Variants in DOCK3 observed in about 807,000 individuals in gnomAD.
The protein encoded by DOCK3 is dedicator of cytokinesis 3.
A neutral mutation model predicts 265.6 loss-of-function variants in DOCK3; 60 were observed. The ratio of observed to expected loss-of-function variants is 0.23; its 90% CI spans 0.18 to 0.28. DOCK3 has a LOEUF of 0.28. DOCK3 is among the 10% of genes least tolerant of loss of function. DOCK3 has a pLI of 1.00. For missense variants in DOCK3, 1,981 were observed against 2,594.3 expected (o/e 0.76, Z 5.14); for synonymous variants, 881 against 938.0 (o/e 0.94, Z 1.11).
At chr3:51,292,967 A>G (rs1348145266) in intron 27 of DOCK3, among the ~76,000 whole-genome samples, 1 of 152,206 alleles carries the variant, frequency 6.6e-6, no homozygotes, top group Non-Finnish European at 1.5e-5. Flanking sequence ...TGATTAAGGA[A>G]ATTAAAGATT....
intron 1 of DOCK3, among the ~76,000 whole-genome samples, chr3:50,746,516 T>C (rs1315909068): frequency 6.6e-6 from 1 of 152,220 alleles, no homozygotes; most frequent in African/African-American, 2.4e-5. Flanking sequence ...GATAATGCCT[T>C]CTGGAAGTTT....
intron 22 of DOCK3, among the ~76,000 whole-genome samples, chr3:51,256,614 A>G (rs573745020): frequency 6.6e-4 from 87 of 132,532 alleles, no homozygotes; most frequent in African/African-American, 2.4e-3. Flanking sequence ...TTTTTTTTAG[A>G]TGGAGTCTCA....
At chr3:51,022,100 G>C (rs975727111) in intron 5 of DOCK3, among the ~76,000 whole-genome samples, 2 of 152,024 alleles carry the variant, frequency 1.3e-5, no homozygotes, top group African/African-American at 4.8e-5. Context: ...TTAGAAATTT[G>C]TATTTATTTT....
intron 5 of DOCK3, among the ~76,000 whole-genome samples, chr3:51,041,580 A>G (rs953524077): frequency 1.3e-5 from 2 of 152,160 alleles, no homozygotes; most frequent in Non-Finnish European, 1.5e-5. Context: ...TGTGGCCTGC[A>G]GAATAGATCT....
chr3:51,148,851 T>C (rs963045647), intron 10 of DOCK3, among the ~76,000 whole-genome samples: 2 of 152,164 alleles, frequency 1.3e-5, no homozygotes, highest in African/African-American at 4.8e-5. Context: ...CATATGAACT[T>C]TAAAGTAGTT....
chr3:50,726,274 C>CTA (rs2037816987), intron 1 of DOCK3, among the ~76,000 whole-genome samples: 1 of 152,066 alleles, frequency 6.6e-6, no homozygotes, highest in South Asian at 2.1e-4. Flanking sequence ...GCTGACTGTA[C>CTA]TACCTTCAGC....
At chr3:51,170,462 C>G (rs2107622948) in intron 12 of DOCK3, among the ~76,000 whole-genome samples, 1 of 152,014 alleles carries the variant, frequency 6.6e-6, no homozygotes, top group African/African-American at 2.4e-5. Flanking sequence ...ATGATTCAAT[C>G]TTGGTAAGTT....
At chr3:50,795,817 A>C (rs928532037) in intron 2 of DOCK3, among the ~76,000 whole-genome samples, 1 of 151,976 alleles carries the variant, frequency 6.6e-6, no homozygotes. Flanking sequence ...AAATTCTTGT[A>C]GTGTGTTTTG....
chr3:51,137,353 G>A (rs1403063606), intron 9 of DOCK3, among the ~76,000 whole-genome samples: 1 of 152,190 alleles, frequency 6.6e-6, no homozygotes, highest in African/African-American at 2.4e-5. Context: ...ATTCATGGAG[G>A]ACCGAATGAG....
At chr3:51,116,450 C>CAAAAA (rs55898136) in intron 9 of DOCK3, among the ~76,000 whole-genome samples, 2 of 54,952 alleles carry the variant, frequency 3.6e-5, no homozygotes, top group African/African-American at 7.8e-5. Context: ...GACTCCATCT[C>CAAAAA]AAAAAAAAAA....
At chr3:50,854,592 G>GTTTTTTTTTTGTTT (rs2046497404) in intron 3 of DOCK3, among the ~76,000 whole-genome samples, 3 of 47,220 alleles carry the variant, frequency 6.4e-5, no homozygotes, top group African/African-American at 1.7e-4. Context: ...CATCACACCA[G>GTTTTTTTTTTGTTT]TTTTTTTTTT....
intron 4 of DOCK3, among the ~76,000 whole-genome samples, chr3:50,933,075 G>A (rs186825361): frequency 6.6e-6 from 1 of 152,154 alleles, no homozygotes; most frequent in African/African-American, 2.4e-5. Flanking sequence ...ATCAGATCTT[G>A]TGAGACTTAT....
chr3:50,933,856 G>A (rs1418084290), intron 4 of DOCK3, 125 bp from the exon 5 acceptor site: 1 of 584,072 alleles, frequency 1.7e-6, no homozygotes, highest in Non-Finnish European at 3.0e-6. Flanking sequence ...TGATCAATTA[G>A]ATATACTTCT....
intron 7 of DOCK3, among the ~76,000 whole-genome samples, chr3:51,086,018 G>A (rs751376339): frequency 7.9e-5 from 12 of 152,320 alleles, no homozygotes; most frequent in Non-Finnish European, 1.6e-4. Context: ...CAGAAATATA[G>A]AGGTGTGGAG....
chr3:50,900,530 G>A (rs1559788306), intron 4 of DOCK3, among the ~76,000 whole-genome samples: 1 of 152,198 alleles, frequency 6.6e-6, no homozygotes, highest in Non-Finnish European at 1.5e-5. Context: ...GCGAGGAGTT[G>A]TGATCCTTTG....
At position 51,146,680 on chromosome 3, in the gene DOCK3, C is replaced by G. The variant is rs1470067163; in HGVS notation, c.828+50C>G. ...CTTTGCTGTTGACTCTAACCAGTGG[C>G]CTGCTATGTGGATACTGTCACCCTG... On this transcript the variant is annotated intron_variant, in intron 10 of 52. Coordinates refer to ENST00000266037, the MANE Select transcript of DOCK3 (RefSeq NM_004947.5). The G allele has an allele frequency of 2.0e-6, 3 of 1,515,026 alleles. No homozygotes were observed. In the African/African-American group the frequency reaches 4.1e-5, roughly 21 times the overall value. The allele number at this position is 1,515,026 out of a possible 1,614,324, so 93.8% of individuals were successfully genotyped here. A position where few individuals can be genotyped will look rare whatever the true frequency, so the allele number is the denominator to read the frequency against.
intron 3 of DOCK3, among the ~76,000 whole-genome samples, chr3:50,864,027 A>C (rs2107526803): frequency 6.6e-6 from 1 of 152,130 alleles, no homozygotes; most frequent in South Asian, 2.1e-4. Flanking sequence ...TTTTTGAGGA[A>C]CCCCTATATT....
intron 1 of DOCK3, among the ~76,000 whole-genome samples, chr3:50,741,606 A>G (rs1376470352): frequency 6.6e-6 from 1 of 150,716 alleles, no homozygotes; most frequent in Non-Finnish European, 1.5e-5. Flanking sequence ...ACATGAACTC[A>G]TCATTTTTTA....
At chr3:51,094,499 C>T (rs2082752024) in intron 9 of DOCK3, among the ~76,000 whole-genome samples, 1 of 151,880 alleles carries the variant, frequency 6.6e-6, no homozygotes, top group South Asian at 2.1e-4. Context: ...TATTTTTGTG[C>T]AATAAGTGGT....
Sources: allele counts gnomAD v4.1 joint callset (sites outside exome capture counted in the v4.1 genomes callset), GRCh38; gene constraint gnomAD v4.1.1; transcripts MANE v1.5; gene names NCBI Gene and HGNC (gene_info 2026-07-23, HGNC 2026-07-21).